B3GALT1: variants seen among roughly 807,000 people sequenced by gnomAD.
The protein encoded by B3GALT1 is beta-1,3-galactosyltransferase 1, also known as UDP-Gal:betaGlcNAc beta 1,3-galactosyltransferase, polypeptide 1.
B3GALT1 carries 10 observed loss-of-function variants against 23.2 expected under a neutral mutation model. That is an observed-to-expected ratio of 0.43 (90% CI 0.27 to 0.73). The LOEUF is 0.73. B3GALT1 is among the 30% of genes least tolerant of loss of function. The pLI, the probability that B3GALT1 is intolerant of heterozygous loss-of-function variation, is 0.21. For synonymous variants in B3GALT1, 156 were observed against 141.5 expected, an observed-to-expected ratio of 1.10 and a Z score of -0.73; for missense variants, 299 against 405.4, an observed-to-expected ratio of 0.74 and a Z score of 2.25.
intron 2 of B3GALT1, among the ~76,000 whole-genome samples, chr2:167,513,467 T>C (rs1164182941): frequency 4.6e-5 from 7 of 152,316 alleles, no homozygotes; most frequent in Admixed American, 1.3e-4. Context: ...TGAGACAATA[T>C]GGAAATTTGA....
chr2:167,306,060 T>G (rs559587338), intron 1 of B3GALT1, among the ~76,000 whole-genome samples: 7 of 152,028 alleles, frequency 4.6e-5, no homozygotes, highest in Non-Finnish European at 1.0e-4. Flanking sequence ...AAATTCTTAC[T>G]GTCTAATGCA....
At chr2:167,556,077 T>C (rs1683843946) in intron 2 of B3GALT1, among the ~76,000 whole-genome samples, 1 of 152,156 alleles carries the variant, frequency 6.6e-6, no homozygotes, top group Non-Finnish European at 1.5e-5. Context: ...TACTGACTTG[T>C]GAATTGCTCT....
chr2:167,651,490 A>G (rs377014298), intron 3 of B3GALT1, among the ~76,000 whole-genome samples: 15 of 152,118 alleles, frequency 9.9e-5, no homozygotes, highest in African/African-American at 2.9e-4. Context: ...TGCAGTCAAC[A>G]TAGTTGTTTC....
intron 3 of B3GALT1, among the ~76,000 whole-genome samples, chr2:167,765,388 G>C (rs1038871071): frequency 6.6e-6 from 1 of 152,120 alleles, no homozygotes; most frequent in Non-Finnish European, 1.5e-5. Flanking sequence ...TCCACTCGGC[G>C]CTATGGCAAA....
intron 1 of B3GALT1, among the ~76,000 whole-genome samples, chr2:167,366,611 C>T (rs146886726): frequency 7.9e-5 from 12 of 152,246 alleles, no homozygotes; most frequent in South Asian, 6.2e-4. Flanking sequence ...ATCCCAAAAA[C>T]GTAGTGGCCT....
At chr2:167,644,425 AACCCTGT>A (rs1685707848) in intron 2 of B3GALT1, among the ~76,000 whole-genome samples, 1 of 152,142 alleles carries the variant, frequency 6.6e-6, no homozygotes, top group South Asian at 2.1e-4. Context: ...AAGCCCTGAA[AACCCTGT>A]ACCCAGAGTA....
chr2:167,391,251 A>G (rs1698011288), intron 1 of B3GALT1, among the ~76,000 whole-genome samples: 2 of 152,220 alleles, frequency 1.3e-5, no homozygotes, highest in African/African-American at 2.4e-5. Context: ...ATAACAGTAC[A>G]TTTATGTGGC....
intron 3 of B3GALT1, among the ~76,000 whole-genome samples, chr2:167,749,225 A>G (rs1402869146): frequency 6.6e-6 from 1 of 152,192 alleles, no homozygotes; most frequent in African/African-American, 2.4e-5. Context: ...CACATGCCTT[A>G]AAGGACTATT....
intron 3 of B3GALT1, among the ~76,000 whole-genome samples, chr2:167,708,489 C>T (rs971485968): frequency 2.0e-5 from 3 of 152,170 alleles, no homozygotes; most frequent in South Asian, 2.1e-4. Context: ...GGAGAAACCC[C>T]GTCTCTACTA....
intron 2 of B3GALT1, among the ~76,000 whole-genome samples, chr2:167,559,614 G>T (rs984395953): frequency 6.6e-6 from 1 of 152,186 alleles, no homozygotes; most frequent in African/African-American, 2.4e-5. Flanking sequence ...GCTTAAAGGA[G>T]CTGATGGAGC....
intron 3 of B3GALT1, among the ~76,000 whole-genome samples, chr2:167,767,660 G>A (rs1688000488): frequency 6.6e-6 from 1 of 152,136 alleles, no homozygotes; most frequent in Admixed American, 6.6e-5. Context: ...TAATGTGTCA[G>A]GTACGGAAGA....
At chr2:167,645,318 T>G (rs1393705414) in intron 2 of B3GALT1, among the ~76,000 whole-genome samples, 2 of 152,196 alleles carry the variant, frequency 1.3e-5, no homozygotes, top group East Asian at 3.9e-4. Flanking sequence ...TTAAATTTCT[T>G]GGCAATATTA....
At chr2:167,627,771 G>A (rs891772779) in intron 2 of B3GALT1, among the ~76,000 whole-genome samples, 6 of 151,604 alleles carry the variant, frequency 4.0e-5, no homozygotes, top group African/African-American at 1.5e-4. Flanking sequence ...TGATGTGGCT[G>A]TACCCATTTG....
chr2:167,560,963 A>G (rs1437841687), intron 2 of B3GALT1, among the ~76,000 whole-genome samples: 1 of 151,842 alleles, frequency 6.6e-6, no homozygotes, highest in Non-Finnish European at 1.5e-5. Flanking sequence ...GACCTAATAG[A>G]CATCTACAGA....
chr2:167,701,422 G>A (rs1686880762), intron 3 of B3GALT1, among the ~76,000 whole-genome samples: 2 of 152,032 alleles, frequency 1.3e-5, no homozygotes, highest in South Asian at 2.1e-4. Flanking sequence ...GCTTAGAGCG[G>A]CCAAAGTCAT....
At chr2:167,670,689 T>G (rs1686309341) in intron 3 of B3GALT1, among the ~76,000 whole-genome samples, 1 of 152,116 alleles carries the variant, frequency 6.6e-6, no homozygotes, top group African/African-American at 2.4e-5. Flanking sequence ...TAAAATGATG[T>G]CTAACAAGAT....
intron 1 of B3GALT1, among the ~76,000 whole-genome samples, chr2:167,391,889 C>G (rs1446821927): frequency 2.0e-5 from 3 of 152,130 alleles, no homozygotes; most frequent in Non-Finnish European, 2.9e-5. Context: ...CCATTGTATT[C>G]TTAAATGATA....
intron 3 of B3GALT1, among the ~76,000 whole-genome samples, chr2:167,666,614 C>G (rs531439680): frequency 6.6e-6 from 1 of 151,914 alleles, no homozygotes; most frequent in South Asian, 2.1e-4. Context: ...TCAGGACTTG[C>G]TTTATGAATC....
At chr2:167,810,514 G>C (rs1342931527) in intron 3 of B3GALT1, among the ~76,000 whole-genome samples, 2 of 150,936 alleles carry the variant, frequency 1.3e-5, no homozygotes, top group Non-Finnish European at 2.9e-5. Flanking sequence ...GACTGCTTAA[G>C]GTATCATATC....
Sources: gnomAD v4.1 joint callset for allele counts (sites outside exome capture counted in the v4.1 genomes callset) on GRCh38, gnomAD v4.1.1 for gene constraint, MANE v1.5 for transcripts, NCBI Gene and HGNC (gene_info 2026-07-23, HGNC 2026-07-21) for gene names.